The following YWHAB variants were observed in gnomAD, a reference collection of about 807,000 sequenced individuals.
YWHAB encodes the protein tyrosine 3-monooxygenase/tryptophan 5-monooxygenase activation protein beta.
YWHAB carries 2 observed loss-of-function variants against 28.5 expected under a neutral mutation model. The observed-to-expected ratio is 0.07, with a 90% CI of 0.03 to 0.22. YWHAB has a LOEUF of 0.22. Ranked by LOEUF, YWHAB falls within the 10% of genes least tolerant of loss-of-function variation. The probability of loss-of-function intolerance (pLI) is 1.00; values close to 1 mark genes in which losing one functional copy is unlikely to be tolerated. For synonymous variants in YWHAB, 103 were observed against 104.7 expected, an observed-to-expected ratio of 0.98 and a Z score of 0.10; for missense variants, 148 against 297.1, an observed-to-expected ratio of 0.50 and a Z score of 3.69.
In YWHAB at chr20:44,907,433, A is replaced by T. The variant is rs1169714393; in HGVS notation, c.*995A>T. The T allele has an allele frequency of 6.6e-6, 1 of 152,258 alleles. No homozygotes were observed. The highest frequency in any genetic ancestry group is 1.5e-5 in the Non-Finnish European group (1 of 68,088). 9.4% of individuals were successfully genotyped at this position (152,258 alleles called of 1,614,324 possible). Reference sequence around the variant, plus strand: ...ATAACTGCACTCCAGCCTGGGCAACATAGCGAGACCTCATCTCCAAAAAAG... The same window carrying T: ...ATAACTGCACTCCAGCCTGGGCAACTTAGCGAGACCTCATCTCCAAAAAAG... On this transcript the variant is annotated 3_prime_UTR_variant, in exon 6 of 6. Transcript: ENST00000353703.
chr20:44,904,456 T>G lies in YWHAB; in HGVS notation c.424+340T>G, dbSNP rs891235165. On this transcript the variant is annotated intron_variant, in intron 3 of 5. Coordinates refer to ENST00000353703, the MANE Select transcript of YWHAB (RefSeq NM_139323.4). ...ATTGCATTTATCACATGTATTACCG[T>G]GATGGTGGTAATCTTAACCACACTT... Among the ~76,000 whole-genome samples the G allele has an allele frequency of 2.0e-5, 3 of 151,554 alleles. No individual in the cohort carries two copies. In the South Asian group the frequency reaches 6.2e-4, roughly 31 times the overall value.
chr20:44,900,050 TTTC>T (rs1323845923), intron 1 of YWHAB, among the ~76,000 whole-genome samples: 1 of 150,330 alleles, frequency 6.7e-6, no homozygotes, highest in African/African-American at 2.5e-5. Flanking sequence ...GGTAGTGTTC[TTTC>T]TTTTTTTTTT....
chr20:44,891,315 AG>A (rs2066560572), intron 1 of YWHAB, among the ~76,000 whole-genome samples: 1 of 152,084 alleles, frequency 6.6e-6, no homozygotes. Flanking sequence ...CATGTTGGCC[AG>A]GCTGGTCTTG....
chr20:44,904,820 A>G, intron 3 of YWHAB, 148 bp from the exon 4 acceptor site: 1 of 702,826 alleles, frequency 1.4e-6, no homozygotes, highest in East Asian at 2.8e-5. Context: ...TAACAAATGT[A>G]TAATTGAATG....
intron 1 of YWHAB, among the ~76,000 whole-genome samples, chr20:44,893,068 T>TA (rs151054839): frequency 0.012 from 1,892 of 151,638 alleles, 21 homozygotes; most frequent in Non-Finnish European, 0.02. Context: ...TGCCTTTATT[T>TA]AAAAAAAAAT....
rs547088254 is a variant in YWHAB at position 44,885,900 on chromosome 20, G to C, written c.-4+14G>C. ...AGCCCTCCCACGGTGAGTGCGGCGC[G>C]GGGTCCGACCGGGGCCCCCGGGGGC... On this transcript the variant is annotated intron_variant, in intron 1 of 5. Transcript: ENST00000353703. The C allele has an allele frequency of 6.5e-6, 1 of 153,164 alleles. No individual in the cohort carries two copies. Among genetic ancestry groups the C allele is most frequent in the South Asian group, 1.8e-4 (1 of 5,612 alleles). 9.5% of individuals were successfully genotyped at this position (153,164 alleles called of 1,614,324 possible).
intron 1 of YWHAB, among the ~76,000 whole-genome samples, chr20:44,890,907 G>A (rs971638968): frequency 3.9e-5 from 6 of 152,154 alleles, no homozygotes; most frequent in African/African-American, 1.4e-4. Context: ...TAAGCATAGG[G>A]AAATTGTTAT....
intron 1 of YWHAB, among the ~76,000 whole-genome samples, chr20:44,893,325 G>A (rs1040185218): frequency 6.6e-6 from 1 of 151,990 alleles, no homozygotes; most frequent in African/African-American, 2.4e-5. Context: ...AGTACCTTTA[G>A]AATTATTTTT....
chr20:44,886,524 A>C (rs988002068), intron 1 of YWHAB: 3 of 152,230 alleles, frequency 2.0e-5, no homozygotes, highest in Non-Finnish European at 4.4e-5. Flanking sequence ...GGAGCCGGTT[A>C]CTGAGTCAGG....
chr20:44,888,951 G>T (rs948138731), intron 1 of YWHAB, among the ~76,000 whole-genome samples: 3 of 152,190 alleles, frequency 2.0e-5, no homozygotes, highest in African/African-American at 7.2e-5. Flanking sequence ...TAAATAGAGA[G>T]AAACTTCTAA....
intron 1 of YWHAB, chr20:44,886,592 T>G (rs772900108): frequency 6.6e-6 from 1 of 152,188 alleles, no homozygotes; most frequent in African/African-American, 2.4e-5. Context: ...CTCACAGTAT[T>G]TACCGTCATT....
chr20:44,886,280 C>T (rs933416642), intron 1 of YWHAB: 1 of 152,348 alleles, frequency 6.6e-6, no homozygotes. Flanking sequence ...TCCGTGCTTT[C>T]TGGTTTCCAG....
chr20:44,903,676 T>G (rs2066640023), intron 2 of YWHAB: 1 of 201,002 alleles, frequency 5.0e-6, no homozygotes, highest in African/African-American at 2.4e-5. Context: ...TCTGCTTTTT[T>G]TCCACTCAGA....
At chr20:44,899,555 C>T (rs77679667) in intron 1 of YWHAB, among the ~76,000 whole-genome samples, 3,345 of 152,288 alleles carry the variant, frequency 0.022, 136 homozygotes, top group African/African-American at 0.075. Flanking sequence ...GTTTTTATAG[C>T]TCAGGATATT....
At chr20:44,893,302 A>T (rs542816880) in intron 1 of YWHAB, among the ~76,000 whole-genome samples, 9 of 152,280 alleles carry the variant, frequency 5.9e-5, no homozygotes, top group South Asian at 4.1e-4. Context: ...TTTGAAGAAA[A>T]TCCTATTTTG....
intron 1 of YWHAB, among the ~76,000 whole-genome samples, chr20:44,898,707 C>T (rs1003301696): frequency 3.9e-5 from 6 of 151,986 alleles, no homozygotes; most frequent in African/African-American, 1.2e-4. Flanking sequence ...GGGGTTTCAC[C>T]GTGTTAGCCA....
intron 1 of YWHAB, among the ~76,000 whole-genome samples, chr20:44,899,560 G>T (rs1176417592): frequency 6.6e-6 from 1 of 152,122 alleles, no homozygotes; most frequent in Non-Finnish European, 1.5e-5. Context: ...TATAGCTCAG[G>T]ATATTAGTGT....
At position 44,906,623 on chromosome 20, in the gene YWHAB, T is replaced by G. The variant is rs140521407; in HGVS notation, c.*185T>G. The G allele has an allele frequency of 4.1e-5, 18 of 438,796 alleles. No homozygotes were observed. Among genetic ancestry groups the G allele is most frequent in the Admixed American group, 1.1e-4 (3 of 27,364 alleles). The allele number at this position is 438,796 out of a possible 1,614,324, so 27.2% of individuals were successfully genotyped here. ...TGGTATTTGTATCTAAAACTCAGAT[T>G]GGTCACATAAATGCCACGGCATTCC... On this transcript the variant is annotated 3_prime_UTR_variant, in exon 6 of 6. Coordinates refer to ENST00000353703, the MANE Select transcript of YWHAB (RefSeq NM_139323.4).
At chr20:44,904,143 C>A in intron 3 of YWHAB, 27 bp downstream of exon 3, 2 of 1,610,298 alleles carry the variant, frequency 1.2e-6, no homozygotes, top group East Asian at 2.2e-5. Flanking sequence ...AAAAGAAATT[C>A]GACCAGTAAT....
Sources: gnomAD v4.1 joint callset for allele counts (sites outside exome capture counted in the v4.1 genomes callset) on GRCh38, gnomAD v4.1.1 for gene constraint, MANE v1.5 for transcripts, NCBI Gene and HGNC (gene_info 2026-07-23, HGNC 2026-07-21) for gene names.